HEMK2: variants seen among roughly 807,000 people sequenced by gnomAD.
HEMK2 encodes HemK methyltransferase 2, ETF1 glutamine and histone H4 lysine, also known as methyltransferase HEMK2.
chr21:28,776,741 A>T, the HEMK2 span, among the ~76,000 whole-genome samples: 2 of 152,184 alleles, frequency 1.3e-5, no homozygotes, highest in Non-Finnish European at 2.9e-5. Flanking sequence ...CAAGAGTCCA[A>T]AAGCTGAAGA....
chr21:28,794,681 T>C, the HEMK2 span, among the ~76,000 whole-genome samples: 2 of 152,250 alleles, frequency 1.3e-5, no homozygotes, highest in Non-Finnish European at 2.9e-5. Flanking sequence ...TACTGAATAA[T>C]GCATGAAGAT....
At chr21:28,857,973 T>C in the HEMK2 span, among the ~76,000 whole-genome samples, 1 of 152,216 alleles carries the variant, frequency 6.6e-6, no homozygotes, top group East Asian at 1.9e-4. Context: ...AGGCCTCTTG[T>C]TTCATAGGTC....
chr21:28,595,523 T>G, the HEMK2 span, among the ~76,000 whole-genome samples: 1 of 152,220 alleles, frequency 6.6e-6, no homozygotes, highest in Non-Finnish European at 1.5e-5. Flanking sequence ...TCATTTTTTA[T>G]AGCTAAATAG....
chr21:28,610,223 A>T, the HEMK2 span, among the ~76,000 whole-genome samples: 7 of 152,194 alleles, frequency 4.6e-5, no homozygotes, highest in Non-Finnish European at 8.8e-5. Flanking sequence ...CAGAAACTAC[A>T]GGTTAGAAGG....
the HEMK2 span, among the ~76,000 whole-genome samples, chr21:28,715,274 CTT>C: frequency 2.0e-5 from 3 of 152,062 alleles, no homozygotes; most frequent in Non-Finnish European, 4.4e-5. Context: ...TAAGCATTCT[CTT>C]GTCTCCGCAG....
the HEMK2 span, among the ~76,000 whole-genome samples, chr21:28,593,830 C>G: frequency 1.1e-4 from 17 of 152,294 alleles, no homozygotes; most frequent in African/African-American, 4.1e-4. Context: ...ATAGACAAAT[C>G]TCTCTTGCAG....
At chr21:28,592,013 C>T in the HEMK2 span, among the ~76,000 whole-genome samples, 6 of 152,196 alleles carry the variant, frequency 3.9e-5, no homozygotes, top group South Asian at 2.1e-4. Context: ...AAGGAACATA[C>T]GCATGCATGT....
the HEMK2 span, among the ~76,000 whole-genome samples, chr21:28,857,931 G>GT: frequency 6.6e-6 from 1 of 152,302 alleles, no homozygotes; most frequent in East Asian, 1.9e-4. Flanking sequence ...TGTGTCAGGT[G>GT]TTAAGGTTGG....
the HEMK2 span, among the ~76,000 whole-genome samples, chr21:28,701,885 GA>G: frequency 6.6e-6 from 1 of 151,726 alleles, no homozygotes; most frequent in Non-Finnish European, 1.5e-5. Flanking sequence ...GCAAACCTAA[GA>G]AAAAAAGAGT....
At chr21:28,845,986 C>T in the HEMK2 span, among the ~76,000 whole-genome samples, 12 of 152,094 alleles carry the variant, frequency 7.9e-5, no homozygotes, top group Admixed American at 7.9e-4. Flanking sequence ...TTTATTGTTC[C>T]CTTCTTTGTG....
At chr21:28,788,531 T>C in the HEMK2 span, among the ~76,000 whole-genome samples, 2 of 151,744 alleles carry the variant, frequency 1.3e-5, no homozygotes, top group Non-Finnish European at 2.9e-5. Flanking sequence ...GAGGGAAAAA[T>C]CGGAGAGGGG....
chr21:28,871,354 G>C, the HEMK2 span, among the ~76,000 whole-genome samples: 1 of 152,124 alleles, frequency 6.6e-6, no homozygotes, highest in Non-Finnish European at 1.5e-5. Context: ...GTTGGAGCAG[G>C]AGGAAGAGAG....
chr21:28,649,629 G>A, the HEMK2 span, among the ~76,000 whole-genome samples: 1 of 152,200 alleles, frequency 6.6e-6, no homozygotes, highest in African/African-American at 2.4e-5. Flanking sequence ...CAGGATAACT[G>A]CTGGGAGAGG....
At chr21:28,800,509 T>C in the HEMK2 span, among the ~76,000 whole-genome samples, 1 of 152,190 alleles carries the variant, frequency 6.6e-6, no homozygotes, top group Non-Finnish European at 1.5e-5. Context: ...CATGTACATA[T>C]ATATGCTTAT....
chr21:28,633,748 T>C, the HEMK2 span, among the ~76,000 whole-genome samples: 5,708 of 152,258 alleles, frequency 0.037, 169 homozygotes, highest in East Asian at 0.15. Flanking sequence ...CCCATTGTAA[T>C]ACAATACGAA....
At chr21:28,797,439 A>AAC in the HEMK2 span, among the ~76,000 whole-genome samples, 199 of 140,168 alleles carry the variant, frequency 1.4e-3, 1 homozygote, top group African/African-American at 4.1e-3. Context: ...CTACCAAAAA[A>AAC]AACAAAAAAA....
chr21:28,861,594 G>A, the HEMK2 span, among the ~76,000 whole-genome samples: 828 of 152,236 alleles, frequency 5.4e-3, 4 homozygotes, highest in Non-Finnish European at 9.1e-3. Flanking sequence ...CCAAGGAGAC[G>A]TCATGGTCAT....
the HEMK2 span, among the ~76,000 whole-genome samples, chr21:28,607,441 C>A: frequency 6.6e-5 from 10 of 152,084 alleles, no homozygotes; most frequent in African/African-American, 9.6e-5. Context: ...ATACATACAT[C>A]AATAAATAAA....
the HEMK2 span, among the ~76,000 whole-genome samples, chr21:28,856,072 T>C: frequency 1.4e-5 from 2 of 140,498 alleles, no homozygotes; most frequent in African/African-American, 5.1e-5. Context: ...ATTCCTTTGT[T>C]AGAGTGATAT....
Sources: allele counts gnomAD v4.1 joint callset (sites outside exome capture counted in the v4.1 genomes callset), GRCh38; gene constraint gnomAD v4.1.1; transcripts MANE v1.5; gene names NCBI Gene and HGNC (gene_info 2026-07-23, HGNC 2026-07-21).